The following PID1 variants were observed in gnomAD, a reference collection of about 807,000 sequenced individuals.
PID1 encodes phosphotyrosine interaction domain containing 1, also known as PTB-containing, cubilin and LRP1-interacting protein.
A neutral mutation model predicts 19.1 loss-of-function variants in PID1; 10 were observed. The ratio of observed to expected loss-of-function variants is 0.52; its 90% CI spans 0.32 to 0.89. The LOEUF is 0.89. Ranked by LOEUF, PID1 falls within the 40% of genes least tolerant of loss-of-function variation. The pLI, the probability that PID1 is intolerant of heterozygous loss-of-function variation, is 0.03. For missense variants in PID1, 248 were observed against 285.3 expected (o/e 0.87, Z 0.94); for synonymous variants, 130 against 116.0 (o/e 1.12, Z -0.78).
rs531790688 is a variant in PID1 at position 229,064,014 on chromosome 2, C to T, written c.178-37906G>A. Among the ~76,000 whole-genome samples the T allele has an allele frequency of 5.9e-5, 9 of 152,064 alleles. No homozygotes were observed. In the East Asian group the frequency reaches 1.7e-3, roughly 29 times the overall value. On this transcript the variant is annotated intron_variant, in intron 2 of 2. Transcript: ENST00000392055. The stretch of plus-strand genomic sequence containing the variant: ...TCATCCTAGGGGAAAATATTCAAAG[C>T]TAAAGTCTAAAGAACTGAAAAGGGT...
chr2:229,178,796 GA>G (rs1690878725), intron 1 of PID1, among the ~76,000 whole-genome samples: 1 of 152,152 alleles, frequency 6.6e-6, no homozygotes, highest in Non-Finnish European at 1.5e-5. Context: ...TTCAGAGGCG[GA>G]AAGTGTCTCT....
intron 2 of PID1, among the ~76,000 whole-genome samples, chr2:229,090,874 C>T (rs1445578300): frequency 6.6e-6 from 1 of 152,128 alleles, no homozygotes; most frequent in Non-Finnish European, 1.5e-5. Context: ...TTTTATGAAA[C>T]CAGGGTAGTG....
intron 2 of PID1, among the ~76,000 whole-genome samples, chr2:229,030,965 C>T (rs983121250): frequency 9.2e-5 from 14 of 151,966 alleles, no homozygotes; most frequent in Non-Finnish European, 1.8e-4. Context: ...CACCTATAAT[C>T]CCAGCACTTT....
At chr2:229,257,084 C>A (rs112281236) in intron 1 of PID1, among the ~76,000 whole-genome samples, 230 of 152,286 alleles carry the variant, frequency 1.5e-3, no homozygotes, top group African/African-American at 5.1e-3. Context: ...AAACTGCTCA[C>A]CCCTGTGGCT....
chr2:229,161,540 G>A (rs917871658), intron 1 of PID1, among the ~76,000 whole-genome samples: 2 of 152,182 alleles, frequency 1.3e-5, no homozygotes, highest in East Asian at 3.8e-4. Context: ...ATTTTACAAA[G>A]ACGTCATGAA....
In PID1 at chr2:229,025,987, T is replaced by A; in HGVS notation, c.299A>T (p.Asn100Ile). ...TLAREDVFPANALLEIRPFQV... is the reference protein window; with the variant it reads ...TLAREDVFPAIALLEIRPFQV... ...GAATGGCCGGATTTCCAGGAGGGCATTGGCCGGAAAGACATCCTCTCGGGC... is the reference window on the plus strand; with the variant it reads ...GAATGGCCGGATTTCCAGGAGGGCAATGGCCGGAAAGACATCCTCTCGGGC... The change falls in exon 3 of 3, where the codon AAT becomes ATT. Residue 100 changes from asparagine (N) to isoleucine (I), a missense_variant. Transcript: ENST00000392055. 6.2e-7 allele frequency: 1 copy of A among 1,614,218 alleles called. No individual in the cohort carries two copies. Among genetic ancestry groups the A allele is most frequent in the Non-Finnish European group, 8.5e-7 (1 of 1,180,034 alleles).
At chr2:229,073,507 C>A (rs1694499376) in intron 2 of PID1, among the ~76,000 whole-genome samples, 1 of 152,310 alleles carries the variant, frequency 6.6e-6, no homozygotes, top group Admixed American at 6.5e-5. Flanking sequence ...TCTCTTCTCA[C>A]ACAATCAATA....
chr2:229,030,246 G>C (rs182668179), intron 2 of PID1, among the ~76,000 whole-genome samples: 10 of 152,100 alleles, frequency 6.6e-5, no homozygotes, highest in Non-Finnish European at 1.5e-4. Flanking sequence ...TGTGGTTGCC[G>C]GGGGATTGGG....
intron 1 of PID1, among the ~76,000 whole-genome samples, chr2:229,190,725 T>A (rs1286006787): frequency 6.6e-6 from 1 of 152,196 alleles, no homozygotes; most frequent in Non-Finnish European, 1.5e-5. Flanking sequence ...ATATCGGCTC[T>A]TCTTGGGTTT....
chr2:229,030,964 T>C (rs1168528301), intron 2 of PID1, among the ~76,000 whole-genome samples: 4 of 152,028 alleles, frequency 2.6e-5, no homozygotes, highest in Non-Finnish European at 2.9e-5. Context: ...ACACCTATAA[T>C]CCCAGCACTT....
chr2:229,029,174 C>T (rs555686203), intron 2 of PID1, among the ~76,000 whole-genome samples: 196 of 151,298 alleles, frequency 1.3e-3, no homozygotes, highest in Non-Finnish European at 4.6e-4. Flanking sequence ...CTCGGCAACA[C>T]GCAATTTACC....
At chr2:229,074,574 A>G (rs1694520882) in intron 2 of PID1, among the ~76,000 whole-genome samples, 1 of 152,216 alleles carries the variant, frequency 6.6e-6, no homozygotes, top group Non-Finnish European at 1.5e-5. Flanking sequence ...TTGATTAAAT[A>G]CTATCTCATG....
intron 2 of PID1, among the ~76,000 whole-genome samples, chr2:229,117,338 C>T (rs917804433): frequency 1.3e-5 from 2 of 152,104 alleles, no homozygotes; most frequent in Non-Finnish European, 2.9e-5. Flanking sequence ...TCTTCCTCTC[C>T]CTCCAGTCTT....
At chr2:229,128,768 T>C (rs1288286603) in intron 2 of PID1, among the ~76,000 whole-genome samples, 1 of 152,108 alleles carries the variant, frequency 6.6e-6, no homozygotes, top group Non-Finnish European at 1.5e-5. Flanking sequence ...ATTCTTATCA[T>C]AAAGAGATGA....
chr2:229,026,042 C>T lies in PID1; in HGVS notation c.244G>A (p.Val82Ile), dbSNP rs2106160632. Residue 82 changes from valine (V) to isoleucine (I), a missense_variant, in exon 3 of 3, where the codon GTC becomes ATC. Val to Ile is a conservative substitution (Grantham distance 29, BLOSUM62 3). Coordinates refer to ENST00000392055, the MANE Select transcript of PID1 (RefSeq NM_001100818.2). ...GTGTGCTTCTTCCAGAGCTCAATGA[C>T]TGGCTTTTCTGTGCAGCCTGACAAA... ...QFLSGCTEKP[V>I]IELWKKHTLA... 1 of 1,614,206 alleles carries T rather than the reference C, an allele frequency of 6.2e-7. No individual in the cohort carries two copies. Among genetic ancestry groups the T allele is most frequent in the African/African-American group, 1.3e-5 (1 of 75,062 alleles).
chr2:229,214,231 C>CATA (rs1559288287), intron 1 of PID1, among the ~76,000 whole-genome samples: 1 of 152,012 alleles, frequency 6.6e-6, no homozygotes, highest in Non-Finnish European at 1.5e-5. Context: ...TGCCCAACAG[C>CATA]ATAACTCTAG....
chr2:229,100,503 C>A (rs1438553441), intron 2 of PID1, among the ~76,000 whole-genome samples: 3 of 152,090 alleles, frequency 2.0e-5, no homozygotes, highest in Non-Finnish European at 4.4e-5. Flanking sequence ...AATGGTGAAA[C>A]TTACATTAAA....
chr2:229,106,219 A>G (rs1316169497), intron 2 of PID1, among the ~76,000 whole-genome samples: 1 of 152,212 alleles, frequency 6.6e-6, no homozygotes, highest in Non-Finnish European at 1.5e-5. Flanking sequence ...ATTAAACAAA[A>G]ACTTTCAAGA....
At chr2:229,139,636 C>T (rs1177971679) in intron 2 of PID1, among the ~76,000 whole-genome samples, 1 of 152,100 alleles carries the variant, frequency 6.6e-6, no homozygotes, top group African/African-American at 2.4e-5. Flanking sequence ...TAGAGTCTGC[C>T]CTAGCTAATG....
Sources: gnomAD v4.1 joint callset for allele counts (sites outside exome capture counted in the v4.1 genomes callset) on GRCh38, gnomAD v4.1.1 for gene constraint, MANE v1.5 for transcripts, NCBI Gene and HGNC (gene_info 2026-07-23, HGNC 2026-07-21) for gene names.